AMPH: variants seen among roughly 807,000 people sequenced by gnomAD.
AMPH encodes the protein amphiphysin (Stiff-Mann syndrome with breast cancer 128kD autoantigen).
Under a neutral mutation model 99.1 loss-of-function variants are expected in AMPH, and 49 were observed. That is an observed-to-expected ratio of 0.49 (90% CI 0.39 to 0.63). The LOEUF (loss-of-function observed/expected upper bound fraction) is 0.63. Ranked by LOEUF, AMPH falls within the 20% of genes least tolerant of loss-of-function variation. The pLI is 0.00. For synonymous variants in AMPH, 314 were observed against 317.3 expected, an observed-to-expected ratio of 0.99 and a Z score of 0.11; for missense variants, 759 against 863.4, an observed-to-expected ratio of 0.88 and a Z score of 1.52.
intron 1 of AMPH, among the ~76,000 whole-genome samples, chr7:38,535,594 T>C (rs948445679): frequency 6.6e-6 from 1 of 152,150 alleles, no homozygotes; most frequent in African/African-American, 2.4e-5. Context: ...TTGTAATATA[T>C]CATGAAATAA....
chr7:38,553,955 T>C (rs1456905313), intron 1 of AMPH, among the ~76,000 whole-genome samples: 2 of 152,226 alleles, frequency 1.3e-5, no homozygotes, highest in Non-Finnish European at 2.9e-5. Flanking sequence ...CTGGGGCTCT[T>C]TAAGCATCAC....
intron 1 of AMPH, among the ~76,000 whole-genome samples, chr7:38,548,401 T>C (rs1791066611): frequency 6.6e-6 from 1 of 152,124 alleles, no homozygotes; most frequent in South Asian, 2.1e-4. Context: ...TATTTAGGAA[T>C]AAAATGGAAG....
At chr7:38,407,589 C>T (rs1023720776) in intron 17 of AMPH, among the ~76,000 whole-genome samples, 7 of 151,818 alleles carry the variant, frequency 4.6e-5, no homozygotes, top group African/African-American at 1.7e-4. Flanking sequence ...TAAACCTGCA[C>T]ATGTACCCTC....
At chr7:38,622,475 A>ACACACACACACG (rs1220424786) in intron 1 of AMPH, among the ~76,000 whole-genome samples, 1 of 151,746 alleles carries the variant, frequency 6.6e-6, no homozygotes, top group African/African-American at 2.4e-5. Context: ...ACACACACAC[A>ACACACACACACG]CACGCACAAA....
chr7:38,495,424 C>G (rs1404886420), intron 3 of AMPH, among the ~76,000 whole-genome samples: 2 of 152,124 alleles, frequency 1.3e-5, no homozygotes, highest in East Asian at 3.9e-4. Context: ...GCTCAGAGCA[C>G]AAGATGGGAA....
intron 11 of AMPH, among the ~76,000 whole-genome samples, chr7:38,459,880 G>T (rs369814075): frequency 3.9e-4 from 58 of 150,574 alleles, no homozygotes; most frequent in African/African-American, 1.1e-3. Flanking sequence ...GCACACAAAG[G>T]AAACAATAAA....
intron 1 of AMPH, among the ~76,000 whole-genome samples, chr7:38,626,264 T>C (rs1794238287): frequency 6.6e-6 from 1 of 152,148 alleles, no homozygotes; most frequent in Non-Finnish European, 1.5e-5. Context: ...ATGAACCCCA[T>C]CATTTAGGTT....
chr7:38,540,607 T>G (rs1790769818), intron 1 of AMPH, among the ~76,000 whole-genome samples: 1 of 145,530 alleles, frequency 6.9e-6, no homozygotes, highest in Non-Finnish European at 1.5e-5. Context: ...AAGTTCACAA[T>G]CTTCCATTCC....
At chr7:38,437,639 A>AGAAAAG (rs1554336211) in intron 11 of AMPH, among the ~76,000 whole-genome samples, 8 of 96,728 alleles carry the variant, frequency 8.3e-5, no homozygotes, top group South Asian at 4.0e-4. Context: ...AAAAAAAAAA[A>AGAAAAG]AAAAGAAAAG....
At chr7:38,444,875 C>A (rs1338893134) in intron 11 of AMPH, among the ~76,000 whole-genome samples, 2 of 151,492 alleles carry the variant, frequency 1.3e-5, no homozygotes, top group African/African-American at 4.9e-5. Context: ...CCCTACTGAC[C>A]CTGATTTCAA....
At chr7:38,605,355 G>C (rs1456020633) in intron 1 of AMPH, among the ~76,000 whole-genome samples, 2 of 152,170 alleles carry the variant, frequency 1.3e-5, no homozygotes, top group Non-Finnish European at 2.9e-5. Flanking sequence ...AGCATCTCTA[G>C]AACATTCTGC....
chr7:38,514,536 G>A (rs748950283), intron 2 of AMPH, among the ~76,000 whole-genome samples: 3 of 152,170 alleles, frequency 2.0e-5, no homozygotes, highest in Non-Finnish European at 2.9e-5. Flanking sequence ...AGTGTTGAGA[G>A]GTAGGATTTT....
intron 2 of AMPH, among the ~76,000 whole-genome samples, chr7:38,511,883 C>T (rs926540444): frequency 4.6e-5 from 7 of 152,082 alleles, no homozygotes; most frequent in Non-Finnish European, 8.8e-5. Context: ...ATCAAAGAAG[C>T]CATTATCTTT....
chr7:38,603,425 A>G (rs1315125007), intron 1 of AMPH, among the ~76,000 whole-genome samples: 1 of 152,212 alleles, frequency 6.6e-6, no homozygotes, highest in African/African-American at 2.4e-5. Context: ...AGAATTTCAA[A>G]GCAAAGAAAG....
chr7:38,523,550 C>T (rs752746449), intron 2 of AMPH, among the ~76,000 whole-genome samples: 15 of 152,178 alleles, frequency 9.9e-5, no homozygotes, highest in Non-Finnish European at 2.2e-4. Context: ...GGAGGAACTG[C>T]ACTCCAAAAT....
At chr7:38,620,040 C>T (rs1255294342) in intron 1 of AMPH, among the ~76,000 whole-genome samples, 4 of 151,946 alleles carry the variant, frequency 2.6e-5, no homozygotes, top group African/African-American at 4.8e-5. Context: ...AGGTTTGGAC[C>T]ATCTACGCTA....
intron 7 of AMPH, among the ~76,000 whole-genome samples, chr7:38,467,086 T>C (rs1787687602): frequency 6.6e-6 from 1 of 152,160 alleles, no homozygotes; most frequent in South Asian, 2.1e-4. Context: ...TAGACATCTA[T>C]TCATTAATAA....
chr7:38,534,224 G>A (rs760446737), intron 2 of AMPH, among the ~76,000 whole-genome samples: 1 of 152,056 alleles, frequency 6.6e-6, no homozygotes, highest in Non-Finnish European at 1.5e-5. Flanking sequence ...CCTTAGGGAA[G>A]ATATTAGTAT....
chr7:38,560,771 G>GCAGCA (rs1791527444), intron 1 of AMPH, among the ~76,000 whole-genome samples: 1 of 152,302 alleles, frequency 6.6e-6, no homozygotes, highest in South Asian at 2.1e-4. Flanking sequence ...AAGGCTAGCT[G>GCAGCA]CAGCACAGCA....
Sources: gnomAD v4.1 joint callset for allele counts (sites outside exome capture counted in the v4.1 genomes callset) on GRCh38, gnomAD v4.1.1 for gene constraint, MANE v1.5 for transcripts, NCBI Gene and HGNC (gene_info 2026-07-23, HGNC 2026-07-21) for gene names.